PSME4: variants seen among roughly 807,000 people sequenced by gnomAD.
PSME4 encodes proteasome activator complex subunit 4.
In PSME4, 89 loss-of-function variants were observed where a neutral mutation model predicts 253.9. The ratio of observed to expected loss-of-function variants is 0.35; its 90% confidence interval spans 0.30 to 0.42. The LOEUF (loss-of-function observed/expected upper bound fraction) is 0.42. Among genes scored for constraint, PSME4 ranks in the 10% least tolerant of loss-of-function variants. The pLI, the probability that PSME4 is intolerant of heterozygous loss-of-function variation, is 1.00. For missense variants in PSME4, 2,014 were observed against 2,195.2 expected, an observed-to-expected ratio of 0.92 and a Z score of 1.65; for synonymous variants, 851 against 759.2, an observed-to-expected ratio of 1.12 and a Z score of -1.99.
chr2:53,887,490 A>C (rs1342983274), intron 39 of PSME4, 23 bp from the exon 40 acceptor site: 2 of 1,576,892 alleles, frequency 1.3e-6, no homozygotes, highest in Admixed American at 3.5e-5. Flanking sequence ...ATACTTAATA[A>C]TAGGAAGAGG....
intron 20 of PSME4, among the ~76,000 whole-genome samples, chr2:53,912,352 C>G (rs1667863839): frequency 2.6e-5 from 4 of 152,188 alleles, no homozygotes; most frequent in African/African-American, 9.6e-5. Context: ...GTATACATTA[C>G]AGCTTTTGTT....
rs978654178 is a variant in PSME4 at position 53,936,704 on chromosome 2, G to T, written c.759+60C>A. On this transcript the variant is annotated intron_variant, in intron 6 of 46. Coordinates refer to ENST00000404125, the MANE Select transcript of PSME4 (RefSeq NM_014614.3). ...ATTTATCTCCAAATTAAAAAAGTAT[G>T]GGGGGGAAAAAAGAAAAAAAAAACT... The T allele has an allele frequency of 7.5e-6, 9 of 1,193,806 alleles. No homozygotes were observed. The African/African-American group carries it at 1.1e-4, about 15-fold the overall frequency. The allele number at this position is 1,193,806 out of a possible 1,614,324, so 74.0% of individuals were successfully genotyped here. A position where few individuals can be genotyped will look rare whatever the true frequency, so the allele number is the denominator to read the frequency against.
At chr2:53,940,124 G>C in intron 3 of PSME4, 124 bp from the exon 4 acceptor site, 1 of 702,916 alleles carries the variant, frequency 1.4e-6, no homozygotes. Flanking sequence ...TGTAATAATT[G>C]AGCCTTCCCT....
At chr2:53,936,999 A>G (rs1669156182) in intron 5 of PSME4, among the ~76,000 whole-genome samples, 172 bp from the exon 6 acceptor site, 1 of 152,200 alleles carries the variant, frequency 6.6e-6, no homozygotes, top group African/African-American at 2.4e-5. Context: ...TTGTCTGAAT[A>G]TTCCTTTCCT....
At position 53,932,701 on chromosome 2, in the gene PSME4, A is replaced by G. The variant is rs2104460764; in HGVS notation, c.1017T>C (p.Ser339=). The G allele has an allele frequency of 1.2e-6, 2 of 1,613,972 alleles. No homozygotes were observed. The highest frequency in any genetic ancestry group is 4.5e-5 in the East Asian group (2 of 44,868). ...GCCCATTATTTGAAGGATGGTAAAAAGATGTGATGCTGTTAAACAAACCAG... is the reference window on the plus strand; with the variant it reads ...GCCCATTATTTGAAGGATGGTAAAAGGATGTGATGCTGTTAAACAAACCAG... ...HLAGLFNSIT[S]FYHPSNNGRW... is the part of the protein sequence containing the mutation. The change falls in exon 9 of 47, where the codon TCT becomes TCC. Residue 339 remains serine (S), a synonymous_variant. Transcript: ENST00000404125.
chr2:53,927,355 G>C, intron 12 of PSME4, 39 bp downstream of exon 12: 1 of 1,368,230 alleles, frequency 7.3e-7, no homozygotes, highest in Non-Finnish European at 1.0e-6. Flanking sequence ...ATAATAATTA[G>C]AACATCTTAG....
At position 53,865,556 on chromosome 2, in the gene PSME4, G is replaced by C. The variant is rs1249071970; in HGVS notation, c.*22C>G. The C allele has an allele frequency of 6.6e-6, 1 of 152,298 alleles. No homozygotes were observed. The highest frequency in any genetic ancestry group is 2.4e-5 in the African/African-American group (1 of 41,436). 9.4% of individuals were successfully genotyped at this position (152,298 alleles called of 1,614,324 possible). On this transcript the variant is annotated 3_prime_UTR_variant, in exon 47 of 47. Transcript: ENST00000404125. Reference sequence around the variant, plus strand: ...GTGGAATTTTTGATGAAAAGAGCCTGAAGTGAGGACTAGTCATCTGTATCA... The same window carrying C: ...GTGGAATTTTTGATGAAAAGAGCCTCAAGTGAGGACTAGTCATCTGTATCA...
At chr2:53,888,665 A>G (rs1039172324) in intron 38 of PSME4, 56 bp downstream of exon 38, 15 of 1,226,366 alleles carry the variant, frequency 1.2e-5, no homozygotes, top group African/African-American at 5.9e-5. Context: ...CCATTTATAC[A>G]TAAGTTAACA....
At chr2:53,930,614 A>C (rs959858741) in intron 10 of PSME4, among the ~76,000 whole-genome samples, 1 of 152,232 alleles carries the variant, frequency 6.6e-6, no homozygotes, top group Admixed American at 6.5e-5. Context: ...GCCTAACTTG[A>C]ATATTTATGG....
chr2:53,879,941 T>C (rs975458962), intron 41 of PSME4, among the ~76,000 whole-genome samples: 11 of 152,126 alleles, frequency 7.2e-5, no homozygotes, highest in African/African-American at 2.7e-4. Context: ...TCAATTCCAG[T>C]AGGAATTGTG....
At chr2:53,969,309 A>T (rs1670910934) in intron 1 of PSME4, among the ~76,000 whole-genome samples, 1 of 152,182 alleles carries the variant, frequency 6.6e-6, no homozygotes. Context: ...AAGAGGGCAA[A>T]TTACATGTTT....
intron 1 of PSME4, among the ~76,000 whole-genome samples, chr2:53,966,979 T>C (rs1670768864): frequency 6.6e-6 from 1 of 152,178 alleles, no homozygotes; most frequent in African/African-American, 2.4e-5. Context: ...ATTACAGGCA[T>C]AACAAAATCA....
chr2:53,939,174 T>C (rs1007338896), intron 4 of PSME4, among the ~76,000 whole-genome samples: 3 of 152,256 alleles, frequency 2.0e-5, no homozygotes, highest in Non-Finnish European at 4.4e-5. Flanking sequence ...TTGCCCAACA[T>C]TGAGTAATAC....
chr2:53,904,344 C>A (rs1558668394), intron 26 of PSME4, among the ~76,000 whole-genome samples, 188 bp from the exon 27 acceptor site: 1 of 152,108 alleles, frequency 6.6e-6, no homozygotes, highest in African/African-American at 2.4e-5. Context: ...AAGCACAATA[C>A]CACCGACCAT....
intron 11 of PSME4, among the ~76,000 whole-genome samples, chr2:53,927,698 A>G (rs1413671199): frequency 1.3e-5 from 2 of 152,102 alleles, no homozygotes; most frequent in African/African-American, 4.8e-5. Flanking sequence ...TGTAATCCCA[A>G]CACTTTGGGA....
rs369416929 is a variant in PSME4, at chr2:53,876,933, G to C, written c.4816-1178C>G. ...AGACAGAATCTCACTGTGTTGCCCA[G>C]ATTGGTCTCAAACTCCTGGGCTTGA... On this transcript the variant is annotated intron_variant, in intron 41 of 46. Coordinates refer to ENST00000404125, the MANE Select transcript of PSME4 (RefSeq NM_014614.3). Among the ~76,000 whole-genome samples the C allele has an allele frequency of 9.2e-5, 14 of 151,442 alleles. No homozygotes were observed. The South Asian group carries it at 2.7e-3, about 29-fold the overall frequency.
intron 20 of PSME4, among the ~76,000 whole-genome samples, chr2:53,911,491 T>C (rs910040887): frequency 1.3e-5 from 2 of 152,156 alleles, no homozygotes; most frequent in Non-Finnish European, 2.9e-5. Flanking sequence ...CAGATTCCTT[T>C]ACATGAACGT....
chr2:53,911,292 G>A (rs932812405), intron 20 of PSME4, among the ~76,000 whole-genome samples: 7 of 151,984 alleles, frequency 4.6e-5, no homozygotes, highest in Admixed American at 3.3e-4. Context: ...TTACTTCAAA[G>A]CTTATTAATA....
In PSME4 at chr2:53,904,097, G is replaced by A. The variant is rs1558668112; in HGVS notation, c.3003C>T (p.Cys1001=). ...FAALGAYNFC[C]RDIIPLVLEF... is the part of the protein sequence containing the mutation. The stretch of plus-strand genomic sequence containing the variant: ...CCAAAACCAAGGGAATGATATCTCT[G>A]CAACAGAAGTTATATGCTCCCAAGG... The change falls in exon 27 of 47, where the codon TGC becomes TGT. Residue 1001 remains cysteine, a synonymous_variant. Coordinates refer to ENST00000404125, the MANE Select transcript of PSME4 (RefSeq NM_014614.3). The A allele has an allele frequency of 3.1e-6, 5 of 1,613,562 alleles. No individual in the cohort carries two copies. Among genetic ancestry groups the A allele is most frequent in the African/African-American group, 1.3e-5 (1 of 74,892 alleles).
Sources: gnomAD v4.1 joint callset for allele counts (sites outside exome capture counted in the v4.1 genomes callset) on GRCh38, gnomAD v4.1.1 for gene constraint, MANE v1.5 for transcripts, NCBI Gene and HGNC (gene_info 2026-07-23, HGNC 2026-07-21) for gene names.